The following GPATCH8 variants were observed in gnomAD, a reference collection of about 807,000 sequenced individuals.
The protein encoded by GPATCH8 is G patch domain-containing protein 8.
GPATCH8 carries 18 observed loss-of-function variants against 118.3 expected under a neutral mutation model. That is an observed-to-expected ratio of 0.15 (90% CI 0.11 to 0.23). The LOEUF (loss-of-function observed/expected upper bound fraction) is 0.23. GPATCH8 is among the 10% of genes least tolerant of loss of function. GPATCH8 has a pLI of 1.00. For missense variants in GPATCH8, 1,631 were observed against 1,873.8 expected (o/e 0.87, Z 2.39); for synonymous variants, 659 against 684.7 (o/e 0.96, Z 0.59).
intron 1 of GPATCH8, among the ~76,000 whole-genome samples, chr17:44,477,385 A>G (rs893106129): frequency 6.6e-6 from 1 of 152,112 alleles, no homozygotes; most frequent in Admixed American, 6.5e-5. Context: ...TTGTTAATGT[A>G]CTTAATGCTA....
intron 5 of GPATCH8, among the ~76,000 whole-genome samples, chr17:44,432,779 T>C (rs539514796): frequency 8.5e-5 from 13 of 152,184 alleles, no homozygotes; most frequent in Admixed American, 7.2e-4. Flanking sequence ...GGTCAGATAA[T>C]AGGACATTTA....
rs148773784 is a variant in GPATCH8, at chr17:44,411,682, G to A, written c.493-5631C>T. The stretch of plus-strand genomic sequence containing the variant: ...TTAGGGTCTAAAGATTATCCATGGC[G>A]TCTTTCCCTCACCAGATAGCAACTC... On this transcript the variant is annotated intron_variant, in intron 6 of 7. Transcript: ENST00000591680. Among the ~76,000 whole-genome samples the A allele has an allele frequency of 5.3e-5, 8 of 152,264 alleles. No homozygotes were observed. In the East Asian group the frequency reaches 9.6e-4, roughly 18 times the overall value.
rs889024640 is a variant in GPATCH8 at position 44,453,110 on chromosome 17, G to A, written c.193+11362C>T. ...GCCTGCCAAAGTGCAAGGATTACAG[G>A]CGTGAGCCACCACACCCGGCCTTCA... On this transcript the variant is annotated intron_variant, in intron 3 of 7. Transcript: ENST00000591680. Among the ~76,000 whole-genome samples, 5 of 152,144 alleles carry A rather than the reference G, an allele frequency of 3.3e-5. No individual in the cohort carries two copies. In the South Asian group the frequency reaches 1.0e-3, roughly 32 times the overall value.
intron 3 of GPATCH8, among the ~76,000 whole-genome samples, chr17:44,457,641 T>C (rs986996641): frequency 3.9e-5 from 6 of 152,168 alleles, no homozygotes; most frequent in African/African-American, 7.2e-5. Context: ...ATTTTGTTAA[T>C]TGCATGAAAA....
chr17:44,489,443 CAA>C (rs999075157), intron 1 of GPATCH8, among the ~76,000 whole-genome samples: 3 of 151,696 alleles, frequency 2.0e-5, no homozygotes, highest in Non-Finnish European at 2.9e-5. Context: ...TGGGTTCAAG[CAA>C]TTCTCCCACC....
rs542566995 is a variant in GPATCH8 at position 44,491,037 on chromosome 17, G to A, written c.45+12289C>T. Among the ~76,000 whole-genome samples the A allele has an allele frequency of 4.6e-5, 7 of 152,314 alleles. No homozygotes were observed. The South Asian group carries it at 1.2e-3, about 27-fold the overall frequency. ...TGTATCCTTTATGTGATTAAACTATGTAGAAATTAGTAGAGACAAATTAGA... is the reference window on the plus strand; with the variant it reads ...TGTATCCTTTATGTGATTAAACTATATAGAAATTAGTAGAGACAAATTAGA... On this transcript the variant is annotated intron_variant, in intron 1 of 7. Transcript: ENST00000591680.
chr17:44,401,539 T>A, intron 7 of GPATCH8, 86 bp from the exon 8 acceptor site: 1 of 874,478 alleles, frequency 1.1e-6, no homozygotes, highest in Non-Finnish European at 2.0e-6. Flanking sequence ...ATCTCTTATA[T>A]CCTATCATTC....
intron 6 of GPATCH8, among the ~76,000 whole-genome samples, chr17:44,406,479 G>A (rs1182008068): frequency 1.0e-5 from 1 of 99,238 alleles, no homozygotes; most frequent in Non-Finnish European, 1.8e-5. Context: ...ATCTTGAAAA[G>A]CAATGTACAG....
intron 3 of GPATCH8, among the ~76,000 whole-genome samples, chr17:44,464,075 A>G (rs2051666309): frequency 6.6e-6 from 1 of 152,220 alleles, no homozygotes; most frequent in Non-Finnish European, 1.5e-5. Context: ...AATAAAAATT[A>G]AATTCTGCTA....
intron 6 of GPATCH8, among the ~76,000 whole-genome samples, chr17:44,414,131 A>ATATATATATATGTATATATATGTG (rs1567955647): frequency 2.4e-3 from 64 of 26,588 alleles, no homozygotes; most frequent in African/African-American, 8.6e-3. Flanking sequence ...ATATATGTGT[A>ATATATATATATGTATATATATGTG]TATATATATA....
chr17:44,453,399 T>C (rs117032067), intron 3 of GPATCH8, among the ~76,000 whole-genome samples: 1 of 152,128 alleles, frequency 6.6e-6, no homozygotes, highest in South Asian at 2.1e-4. Flanking sequence ...ATTATAAGAT[T>C]TAAATGAGAT....
In GPATCH8 at chr17:44,471,912, TA is replaced by T. The variant is rs533873322; in HGVS notation, c.120+2916del. The stretch of plus-strand genomic sequence containing the variant: ...AAAGTTGAAAAAAGAGAAAAACACT[TA>T]AAATTTTACTCACAAATGATCAGGC... On this transcript the variant is annotated intron_variant, in intron 2 of 7. Coordinates refer to ENST00000591680, the MANE Select transcript of GPATCH8 (RefSeq NM_001002909.4). 6.7e-3 allele frequency among the ~76,000 whole-genome samples: 1,000 copies of T among 149,316 alleles called. 11 individuals carry two copies. The highest frequency in any genetic ancestry group is 0.018 in the Middle Eastern group (5 of 284).
intron 3 of GPATCH8, among the ~76,000 whole-genome samples, 164 bp downstream of exon 3, chr17:44,464,308 G>A (rs1380438947): frequency 1.3e-5 from 2 of 152,196 alleles, no homozygotes; most frequent in Non-Finnish European, 1.5e-5. Context: ...AGGCTTAACA[G>A]TGACTTAAAA....
In GPATCH8 at chr17:44,425,186, G is replaced by A. The variant is rs567246084; in HGVS notation, c.349-694C>T. On this transcript the variant is annotated intron_variant, in intron 5 of 7. Coordinates refer to ENST00000591680, the MANE Select transcript of GPATCH8 (RefSeq NM_001002909.4). ...TTGAGTATATTCATTTGCTAATGTC[G>A]CACAGAAGGATGAGAAAGGGACAGG... Among the ~76,000 whole-genome samples, 9 of 152,260 alleles carry A rather than the reference G, an allele frequency of 5.9e-5. No homozygotes were observed. The South Asian group carries it at 1.2e-3, about 21-fold the overall frequency.
intron 1 of GPATCH8, among the ~76,000 whole-genome samples, chr17:44,492,816 TA>T (rs2144481927): frequency 6.6e-6 from 1 of 152,222 alleles, no homozygotes; most frequent in African/African-American, 2.4e-5. Flanking sequence ...CCAGTAGAAA[TA>T]CCATTCTCCT....
intron 1 of GPATCH8, among the ~76,000 whole-genome samples, chr17:44,498,521 G>A (rs1267443388): frequency 6.6e-6 from 1 of 152,140 alleles, no homozygotes; most frequent in Non-Finnish European, 1.5e-5. Context: ...CTCTTATGCT[G>A]ACTTTACTTT....
intron 6 of GPATCH8, among the ~76,000 whole-genome samples, chr17:44,407,832 T>C (rs773281807): frequency 1.1e-4 from 17 of 152,074 alleles, no homozygotes; most frequent in Non-Finnish European, 1.9e-4. Context: ...AATTTTTATA[T>C]TTTTAGTAGA....
At chr17:44,473,721 A>C (rs549549470) in intron 2 of GPATCH8, 1 of 152,376 alleles carries the variant, frequency 6.6e-6, no homozygotes. Context: ...CGTGCAATAC[A>C]AACCAGATCA....
chr17:44,453,286 AT>A (rs916110807), intron 3 of GPATCH8, among the ~76,000 whole-genome samples: 4 of 152,098 alleles, frequency 2.6e-5, no homozygotes, highest in African/African-American at 9.7e-5. Context: ...CTGAATCCTG[AT>A]TCTATAGTTT....
Sources: allele counts gnomAD v4.1 joint callset (sites outside exome capture counted in the v4.1 genomes callset), GRCh38; gene constraint gnomAD v4.1.1; transcripts MANE v1.5; gene names NCBI Gene and HGNC (gene_info 2026-07-23, HGNC 2026-07-21).